The following PYROXD2 variants were observed in gnomAD, a reference collection of about 807,000 sequenced individuals.
PYROXD2 encodes pyridine nucleotide-disulphide oxidoreductase domain 2, also known as pyridine nucleotide-disulfide oxidoreductase domain-containing protein 2.
PYROXD2 carries 69 observed loss-of-function variants against 71.1 expected under a neutral mutation model. The ratio of observed to expected loss-of-function variants is 0.97; its 90% CI spans 0.80 to 1.19. The LOEUF (loss-of-function observed/expected upper bound fraction) is 1.19. Ranked by LOEUF, PYROXD2 falls within the 50% of genes most tolerant of loss-of-function variation. The pLI is 0.00. For synonymous variants in PYROXD2, 287 were observed against 302.7 expected, an observed-to-expected ratio of 0.95 and a Z score of 0.54; for missense variants, 745 against 748.9, an observed-to-expected ratio of 0.99 and a Z score of 0.06.
At chr10:98,387,638 T>G (rs1842800074) in intron 13 of PYROXD2, among the ~76,000 whole-genome samples, 2 of 147,104 alleles carry the variant, frequency 1.4e-5, no homozygotes, top group Admixed American at 6.7e-5. Flanking sequence ...TTTTTTTTTT[T>G]TTTTTTTTTT....
Position 98,390,840 on chromosome 10 carries a change from G to A in PYROXD2, c.1136-86C>T, listed in dbSNP as rs1393352248. The A allele has an allele frequency of 6.0e-6, 9 of 1,499,526 alleles. No homozygotes were observed. The East Asian group carries it at 6.8e-5, about 11-fold the overall frequency. The allele number at this position is 1,499,526 out of a possible 1,614,324, so 92.9% of individuals were successfully genotyped here. On this transcript the variant is annotated intron_variant, in intron 11 of 15. Transcript: ENST00000370575. Reference sequence around the variant, plus strand: ...CACCCTGCTACCCTCAGTGGCGGACGGGAGTAGGAAAGTATGAGCAAGTGT... The same window carrying A: ...CACCCTGCTACCCTCAGTGGCGGACAGGAGTAGGAAAGTATGAGCAAGTGT...
rs749649096 is a variant in PYROXD2 at position 98,391,030 on chromosome 10, G to A, written c.1115C>T (p.Ser372Leu). 165 of 1,612,666 alleles carry A rather than the reference G, an allele frequency of 1.0e-4. No homozygotes were observed. Among genetic ancestry groups the A allele is most frequent in the Admixed American group, 4.2e-4 (25 of 59,998 alleles). ...CTTACCATTGATCTTGGTGACAGGC[G>A]ACCGGGTGTCCAGCTGAGAGATTCT... Reference protein sequence around the residue: ...LERISQLDTRSPVTKINVAVD... With the variant: ...LERISQLDTRLPVTKINVAVD... Residue 372 changes from serine to leucine, a missense_variant, in exon 11 of 16, where the codon TCG (serine) becomes TTG (leucine). Transcript: ENST00000370575.
chr10:98,409,816 G>A (rs1047079312), intron 2 of PYROXD2, among the ~76,000 whole-genome samples: 6 of 152,226 alleles, frequency 3.9e-5, no homozygotes, highest in African/African-American at 1.4e-4. Context: ...GGTGGTTCAC[G>A]CCTGTAATCT....
chr10:98,390,946 G>T, intron 11 of PYROXD2, 64 bp downstream of exon 11: 3 of 1,420,340 alleles, frequency 2.1e-6, no homozygotes, highest in Non-Finnish European at 3.0e-6. Context: ...GCTGCCCCCA[G>T]CCTGGAGGTT....
rs76873969 is a variant in PYROXD2, at chr10:98,410,774, G to T, written c.147+165C>A. 7,792 of 1,013,708 alleles carry T rather than the reference G, an allele frequency of 7.7e-3. 104 individuals carry two copies. The highest frequency in any genetic ancestry group is 0.039 in the Admixed American group (1,516 of 39,194). The allele number at this position is 1,013,708 out of a possible 1,614,324, so 62.8% of individuals were successfully genotyped here. A position where few individuals can be genotyped will look rare whatever the true frequency, so the allele number is the denominator to read the frequency against. On this transcript the variant is annotated intron_variant, in intron 2 of 15. Coordinates refer to ENST00000370575, the MANE Select transcript of PYROXD2 (RefSeq NM_032709.3). ...CACAGCTGGCTGCAGATGAGCATTC[G>T]ACCCAGCCCCCAGTCAGCACTGGAG...
At chr10:98,402,882 G>A (rs57564578) in intron 4 of PYROXD2, among the ~76,000 whole-genome samples, 15,844 of 152,262 alleles carry the variant, frequency 0.1, 998 homozygotes, top group African/African-American at 0.17. Flanking sequence ...TACCCTCCGC[G>A]TGTAGACACA....
At chr10:98,386,524 T>C (rs1373850072) in intron 14 of PYROXD2, among the ~76,000 whole-genome samples, 1 of 151,404 alleles carries the variant, frequency 6.6e-6, no homozygotes, top group Non-Finnish European at 1.5e-5. Context: ...ACATCTCACT[T>C]TGGCCTCAGA....
intron 14 of PYROXD2, among the ~76,000 whole-genome samples, chr10:98,386,326 G>GAA (rs57778117): frequency 0.42 from 58,813 of 138,504 alleles, 13,064 homozygotes; most frequent in African/African-American, 0.59. Flanking sequence ...AGGAAGGGAG[G>GAA]GAGGAAGGAA....
intron 8 of PYROXD2, among the ~76,000 whole-genome samples, chr10:98,394,544 A>ACACACACACACACG (rs1843083218): frequency 5.2e-5 from 1 of 19,232 alleles, no homozygotes; most frequent in Non-Finnish European, 8.8e-5. Flanking sequence ...CTCCATCCCA[A>ACACACACACACACG]CACACACACA....
chr10:98,406,764 C>T (rs1843609809), intron 4 of PYROXD2, among the ~76,000 whole-genome samples: 1 of 151,650 alleles, frequency 6.6e-6, no homozygotes. Context: ...GTGGTGGTAG[C>T]GCCTATAGTC....
At chr10:98,404,461 T>C (rs1237996117) in intron 4 of PYROXD2, among the ~76,000 whole-genome samples, 1 of 152,216 alleles carries the variant, frequency 6.6e-6, no homozygotes, top group East Asian at 1.9e-4. Flanking sequence ...ACAATAGGTT[T>C]AATTATGTGG....
chr10:98,411,131 T>C (rs1182305222), intron 1 of PYROXD2, 173 bp from the exon 2 acceptor site: 3 of 857,642 alleles, frequency 3.5e-6, no homozygotes, highest in Non-Finnish European at 5.4e-6. Flanking sequence ...TTCAACTCCA[T>C]GAAACACCAG....
chr10:98,388,355 T>C lies in PYROXD2; in HGVS notation c.1446A>G (p.Arg482=). Reference sequence around the variant, plus strand: ...GGCAGAACGTGCAGCTGTCTTTACCTCTGTCTGCATAAGCGTCTCTCTCCT... The same window carrying C: ...GGCAGAACGTGCAGCTGTCTTTACCCCTGTCTGCATAAGCGTCTCTCTCCT... ...DEQERDAYAD[R]VFDCIEVYAP... The change falls in exon 13 of 16, where the codon AGA becomes AGG. Residue 482 remains arginine, a splice_region_variant and synonymous_variant. Coordinates refer to ENST00000370575, the MANE Select transcript of PYROXD2 (RefSeq NM_032709.3). 1 of 1,613,770 alleles carries C rather than the reference T, an allele frequency of 6.2e-7. No individual in the cohort carries two copies. The highest frequency in any genetic ancestry group is 1.7e-4 in the Middle Eastern group (1 of 6,060).
chr10:98,392,226 G>A (rs905689726), intron 10 of PYROXD2, among the ~76,000 whole-genome samples: 2 of 152,142 alleles, frequency 1.3e-5, no homozygotes, highest in Non-Finnish European at 2.9e-5. Flanking sequence ...CCGGAATCTT[G>A]GTCACTTCAC....
chr10:98,391,590 C>T lies in PYROXD2; in HGVS notation c.1063-508G>A, dbSNP rs930050916. ...TTGCAAAAACTGCCCCCAAAGCTCA[C>T]CCCTCCCTGTTTGCACACCCACTTC... On this transcript the variant is annotated intron_variant, in intron 10 of 15. Transcript: ENST00000370575. 3.3e-5 allele frequency among the ~76,000 whole-genome samples: 5 copies of T among 152,136 alleles called. No homozygotes were observed. In the East Asian group the frequency reaches 7.7e-4, roughly 24 times the overall value.
At chr10:98,385,839 C>T (rs1025032459) in intron 14 of PYROXD2, among the ~76,000 whole-genome samples, 1 of 152,216 alleles carries the variant, frequency 6.6e-6, no homozygotes, top group African/African-American at 2.4e-5. Flanking sequence ...TCAAGTCTGC[C>T]CGCCCCATGC....
chr10:98,397,426 C>CGGGGG lies in PYROXD2; in HGVS notation c.539_543dup (p.Val182ProfsTer17). On this transcript the variant is annotated frameshift_variant, in exon 6 of 16. Coordinates refer to ENST00000370575, the MANE Select transcript of PYROXD2 (RefSeq NM_032709.3). LOFTEE classifies it high-confidence loss of function. Reference sequence around the variant, plus strand: ...CCATGCTGGAAGGCCGCCATGTCCACGGGGGCCGCATCCAGCAGAGGGTCA... The same window carrying CGGGGG: ...CCATGCTGGAAGGCCGCCATGTCCACGGGGGGGGGGCCGCATCCAGCAGAGGGTCA... 1 of 1,613,396 alleles carries CGGGGG rather than the reference C, an allele frequency of 6.2e-7. No homozygotes were observed. The highest frequency in any genetic ancestry group is 8.5e-7 in the Non-Finnish European group (1 of 1,179,576).
intron 8 of PYROXD2, among the ~76,000 whole-genome samples, chr10:98,394,865 G>A (rs914576556): frequency 2.0e-5 from 3 of 152,044 alleles, no homozygotes; most frequent in Admixed American, 2.0e-4. Context: ...TATCAAGCGG[G>A]AGGTGGGAGA....
chr10:98,399,983 C>G (rs138416901), intron 5 of PYROXD2, 119 bp downstream of exon 5: 56 of 1,259,414 alleles, frequency 4.4e-5, no homozygotes, highest in Non-Finnish European at 5.7e-5. Context: ...CTCCTAGGAA[C>G]GTGGGGTGGC....
Sources: allele counts gnomAD v4.1 joint callset (sites outside exome capture counted in the v4.1 genomes callset), GRCh38; gene constraint gnomAD v4.1.1; transcripts MANE v1.5; gene names NCBI Gene and HGNC (gene_info 2026-07-23, HGNC 2026-07-21).